The following RBCK1 variants were observed in gnomAD, a reference collection of about 807,000 sequenced individuals.
The protein encoded by RBCK1 is ranBP-type and C3HC4-type zinc finger-containing protein 1.
RBCK1 carries 44 observed loss-of-function variants against 71.1 expected under a neutral mutation model. The observed-to-expected ratio is 0.62, with a 90% confidence interval of 0.49 to 0.80. The LOEUF (loss-of-function observed/expected upper bound fraction) is 0.80. Ranked by LOEUF, RBCK1 falls within the 30% of genes least tolerant of loss-of-function variation. The pLI, the probability that RBCK1 is intolerant of heterozygous loss-of-function variation, is 0.00. For synonymous variants in RBCK1, 306 were observed against 279.7 expected (o/e 1.09, Z -0.94); for missense variants, 569 against 685.0 (o/e 0.83, Z 1.89).
At chr20:427,220 T>C in intron 8 of RBCK1, 93 bp from the exon 9 acceptor site, 5 of 1,299,440 alleles carry the variant, frequency 3.8e-6, no homozygotes, top group Admixed American at 2.2e-5. Flanking sequence ...TTGGAGTTTC[T>C]GGGCTGGGGG....
At position 422,856 on chromosome 20, in the gene RBCK1, A is replaced by G. The variant is rs1284649241; in HGVS notation, c.1029+618A>G. Among the ~76,000 whole-genome samples the G allele has an allele frequency of 6.6e-6, 1 of 151,314 alleles. No homozygotes were observed. Among genetic ancestry groups the G allele is most frequent in the African/African-American group, 2.5e-5 (1 of 40,774 alleles). The stretch of plus-strand genomic sequence containing the variant: ...CAAAAAAAGAAAAAAAAAATTAGTC[A>G]GGGAACTCTGGAGCCTGGTGGCCTG... On this transcript the variant is annotated intron_variant, in intron 8 of 11. Transcript: ENST00000356286. This position sits in a 1 kb window ranked among gnomAD's most constrained non-coding sequence, Gnocchi z 5.0.
At chr20:424,261 C>T (rs1374499395) in intron 8 of RBCK1, among the ~76,000 whole-genome samples, 1 of 152,206 alleles carries the variant, frequency 6.6e-6, no homozygotes, top group Non-Finnish European at 1.5e-5. Context: ...TTCTGTGGGA[C>T]TCCATTTCCT....
Position 428,840 on chromosome 20 carries a change from GGA to G in RBCK1, c.1309-106_1309-105del. 11 of 1,449,196 alleles carry G rather than the reference GGA, an allele frequency of 7.6e-6. No individual in the cohort carries two copies. Among genetic ancestry groups the G allele is most frequent in the Non-Finnish European group, 9.9e-6 (11 of 1,106,896 alleles). 89.8% of individuals were successfully genotyped at this position (1,449,196 alleles called of 1,614,324 possible). The stretch of plus-strand genomic sequence containing the variant: ...GAGCCTGGCCTGGCAGAGCCACACA[GGA>G]GAGACTCCACAGCTCTAGAGGGTCA... On this transcript the variant is annotated intron_variant, in intron 10 of 11. Transcript: ENST00000356286. This position sits in a 1 kb window ranked among gnomAD's most constrained non-coding sequence, Gnocchi z 5.7.
chr20:422,426 T>C lies in RBCK1; in HGVS notation c.1029+188T>C, dbSNP rs532482744. ...TCATCCTCAGCCCCCCAGACATTTTTCAAGAGCTTTGTCCATGTGGGGTGT... is the reference window on the plus strand; with the variant it reads ...TCATCCTCAGCCCCCCAGACATTTTCCAAGAGCTTTGTCCATGTGGGGTGT... On this transcript the variant is annotated intron_variant, in intron 8 of 11. Transcript: ENST00000356286. This position sits in a 1 kb window ranked among gnomAD's most constrained non-coding sequence, Gnocchi z 5.0. Among the ~76,000 whole-genome samples the C allele has an allele frequency of 1.3e-5, 2 of 152,048 alleles. No individual in the cohort carries two copies. Among genetic ancestry groups the C allele is most frequent in the East Asian group, 3.9e-4 (2 of 5,174 alleles).
rs1301280874 is a variant in RBCK1, at chr20:417,297, G to A, written c.168-229G>A. 1 of 706,560 alleles carries A rather than the reference G, an allele frequency of 1.4e-6. No individual in the cohort carries two copies. Among genetic ancestry groups the A allele is most frequent in the Admixed American group, 1.9e-5 (1 of 53,534 alleles). 43.8% of individuals were successfully genotyped at this position (706,560 alleles called of 1,614,324 possible). On this transcript the variant is annotated intron_variant, in intron 2 of 11. Transcript: ENST00000356286. This position sits in a 1 kb window ranked among gnomAD's most constrained non-coding sequence, Gnocchi z 4.7. Reference sequence around the variant, plus strand: ...CATGGAGGCCCTCGTGTGCTGCCACGAGTTGATTCTAAGAGTAGCGTGGAG... The same window carrying A: ...CATGGAGGCCCTCGTGTGCTGCCACAAGTTGATTCTAAGAGTAGCGTGGAG...
At chr20:427,264 A>G (rs1163487243) in intron 8 of RBCK1, 49 bp from the exon 9 acceptor site, 1 of 1,590,196 alleles carries the variant, frequency 6.3e-7, no homozygotes, top group African/African-American at 1.3e-5. Flanking sequence ...CAAGGGTCAT[A>G]TGTCAGGTGT....
At position 430,270 on chromosome 20, in the gene RBCK1, C is replaced by T; in HGVS notation, c.1453-80C>T. 1 of 1,305,294 alleles carries T rather than the reference C, an allele frequency of 7.7e-7. No homozygotes were observed. Among genetic ancestry groups the T allele is most frequent in the East Asian group, 2.3e-5 (1 of 43,008 alleles). 80.9% of individuals were successfully genotyped at this position (1,305,294 alleles called of 1,614,324 possible). On this transcript the variant is annotated intron_variant, in intron 11 of 11. Coordinates refer to ENST00000356286, the MANE Select transcript of RBCK1 (RefSeq NM_031229.4). This position sits in a 1 kb window ranked among gnomAD's most constrained non-coding sequence, Gnocchi z 5.6. ...GCAGGAGGACCTGCAGAGGCAAAGG[C>T]CCGGGGTGGGAGAGCGCTCGGCTGT...
At chr20:423,170 A>G (rs1180042523) in intron 8 of RBCK1, among the ~76,000 whole-genome samples, 2 of 152,138 alleles carry the variant, frequency 1.3e-5, no homozygotes, top group Non-Finnish European at 2.9e-5. Context: ...GTGGTGGCGC[A>G]TGCCTGTAAT....
At chr20:421,147 C>T (rs2016410242) in intron 7 of RBCK1, 116 bp downstream of exon 7, 4 of 1,296,812 alleles carry the variant, frequency 3.1e-6, no homozygotes, top group African/African-American at 1.5e-5. Flanking sequence ...CCGCGAAAAC[C>T]TACGAGGTAG....
intron 4 of RBCK1, 94 bp from the exon 5 acceptor site, chr20:419,253 G>T: frequency 6.5e-7 from 1 of 1,542,914 alleles, no homozygotes; most frequent in Non-Finnish European, 8.8e-7. Flanking sequence ...AGGATAGGGG[G>T]AGGGTCTGCC....
At chr20:415,105 A>G (rs2015912497) in intron 2 of RBCK1, among the ~76,000 whole-genome samples, 1 of 152,180 alleles carries the variant, frequency 6.6e-6, no homozygotes, top group Non-Finnish European at 1.5e-5. Context: ...GCGGGGCACG[A>G]TGGATGATGC....
intron 2 of RBCK1, among the ~76,000 whole-genome samples, chr20:416,890 G>A (rs1233193728): frequency 6.6e-6 from 1 of 152,168 alleles, no homozygotes; most frequent in Non-Finnish European, 1.5e-5. Context: ...CCAGCTACTT[G>A]GGAGGCTGAG....
intron 7 of RBCK1, 103 bp downstream of exon 7, chr20:421,134 C>A: frequency 7.3e-7 from 1 of 1,368,602 alleles, no homozygotes. Flanking sequence ...CCTCATTGGA[C>A]GCCCGCGAAA....
chr20:429,690 G>T (rs2016921183), intron 11 of RBCK1, among the ~76,000 whole-genome samples: 1 of 152,212 alleles, frequency 6.6e-6, no homozygotes, highest in African/African-American at 2.4e-5. Context: ...TTACACTACA[G>T]AGGCAGAGGC....
chr20:410,160 CTG>C, intron 2 of RBCK1, 135 bp downstream of exon 2: 1 of 1,002,690 alleles, frequency 1.0e-6, no homozygotes, highest in Non-Finnish European at 1.4e-6. Context: ...CATTAATCAA[CTG>C]TGAAATACAG....
At chr20:421,156 A>G in intron 7 of RBCK1, 125 bp downstream of exon 7, 1 of 1,211,844 alleles carries the variant, frequency 8.3e-7, no homozygotes, top group Non-Finnish European at 1.1e-6. Context: ...CCTACGAGGT[A>G]GGCTCCGTCT....
Position 430,824 on chromosome 20 carries a change from A to G in RBCK1, c.*394A>G, listed in dbSNP as rs2122352523. 1 of 229,432 alleles carries G rather than the reference A, an allele frequency of 4.4e-6. No individual in the cohort carries two copies. Among genetic ancestry groups the G allele is most frequent in the East Asian group, 1.2e-4 (1 of 8,418 alleles). The allele number at this position is 229,432 out of a possible 1,614,324, so 14.2% of individuals were successfully genotyped here. On this transcript the variant is annotated 3_prime_UTR_variant, in exon 12 of 12. Transcript: ENST00000356286. The surrounding 1 kb of genome is among the most constrained non-coding windows in gnomAD (Gnocchi z 5.6). Reference sequence around the variant, plus strand: ...CTCTGCCTTTGTGGTTGGAGGCCTGAGGCCTCTTGGAACTCTTGCTAACCT... The same window carrying G: ...CTCTGCCTTTGTGGTTGGAGGCCTGGGGCCTCTTGGAACTCTTGCTAACCT...
rs569310074 is a variant in RBCK1, at chr20:429,109, G to T, written c.1452+15G>T. The T allele has an allele frequency of 1.2e-6, 2 of 1,604,808 alleles. No homozygotes were observed. Among genetic ancestry groups the T allele is most frequent in the Admixed American group, 3.4e-5 (2 of 59,228 alleles). On this transcript the variant is annotated intron_variant, in intron 11 of 11. Coordinates refer to ENST00000356286, the MANE Select transcript of RBCK1 (RefSeq NM_031229.4). ...GGGGCCCTGGGGTGAGTCTTTGCTC[G>T]TGGTGGTGTGGAGAGGGTGCCCTTG... is the stretch of plus-strand genomic sequence containing the variant.
At chr20:420,344 C>T in intron 6 of RBCK1, 1 of 984,964 alleles carries the variant, frequency 1.0e-6, no homozygotes, top group Non-Finnish European at 1.2e-6. Context: ...GAGTGCTCCC[C>T]ATTCTGATCT....
Sources: gnomAD v4.1 joint callset for allele counts (sites outside exome capture counted in the v4.1 genomes callset) on GRCh38, gnomAD v4.1.1 for gene constraint, Gnocchi (gnomAD v3.1) non-coding constraint, MANE v1.5 for transcripts, NCBI Gene and HGNC (gene_info 2026-07-23, HGNC 2026-07-21) for gene names.